The following SPECC1 variants were observed in gnomAD, a reference collection of about 807,000 sequenced individuals.
The protein encoded by SPECC1 is sperm antigen with calponin homology and coiled-coil domains 1, also known as cytospin-B.
Under a neutral mutation model 104.1 loss-of-function variants are expected in SPECC1, and 62 were observed. That is an observed-to-expected ratio of 0.60 (90% CI 0.49 to 0.74). The LOEUF is 0.74. SPECC1 is among the 30% of genes least tolerant of loss of function. The probability of loss-of-function intolerance (pLI) is 0.00; values close to 1 mark genes in which losing one functional copy is unlikely to be tolerated. For synonymous variants in SPECC1, 513 were observed against 501.6 expected, an observed-to-expected ratio of 1.02 and a Z score of -0.30; for missense variants, 1,306 against 1,310.5, an observed-to-expected ratio of 1.00 and a Z score of 0.05.
At chr17:20,077,575 T>A (rs774686361) in intron 1 of SPECC1, among the ~76,000 whole-genome samples, 2 of 152,122 alleles carry the variant, frequency 1.3e-5, no homozygotes, top group Non-Finnish European at 2.9e-5. Context: ...CAAGCGATTC[T>A]CCTGCCTCAG....
chr17:20,144,374 A>T (rs2031226042), intron 3 of SPECC1, among the ~76,000 whole-genome samples: 1 of 151,284 alleles, frequency 6.6e-6, no homozygotes, highest in South Asian at 2.1e-4. Context: ...TACTTTTTGT[A>T]GAGATGTGGT....
At chr17:20,071,793 A>G (rs2046564354) in intron 1 of SPECC1, among the ~76,000 whole-genome samples, 1 of 151,960 alleles carries the variant, frequency 6.6e-6, no homozygotes, top group South Asian at 2.1e-4. Context: ...AGAAGCTACA[A>G]TGTGAATTTA....
chr17:20,064,924 T>C (rs1315470596), intron 1 of SPECC1, among the ~76,000 whole-genome samples: 8 of 152,186 alleles, frequency 5.3e-5, no homozygotes, highest in Non-Finnish European at 1.2e-4. Flanking sequence ...TAAAAAGTCA[T>C]CTAAAGAGAT....
chr17:20,276,902 T>C (rs1033541991), intron 12 of SPECC1, among the ~76,000 whole-genome samples: 2 of 152,194 alleles, frequency 1.3e-5, no homozygotes, highest in South Asian at 4.1e-4. Flanking sequence ...CCAGGGCTGC[T>C]TTCTGGGGTA....
intron 12 of SPECC1, among the ~76,000 whole-genome samples, chr17:20,260,536 G>A (rs1483520527): frequency 1.3e-5 from 2 of 152,320 alleles, no homozygotes; most frequent in East Asian, 1.9e-4. Context: ...ATGGCTGCAC[G>A]CAGAGCTGCA....
intron 2 of SPECC1, among the ~76,000 whole-genome samples, chr17:20,104,765 AAG>A (rs1555607646): frequency 1.2e-4 from 18 of 149,012 alleles, no homozygotes; most frequent in African/African-American, 2.5e-4. Flanking sequence ...AAAAAAAAAA[AAG>A]AAAAAAAAAT....
chr17:20,279,966 G>A (rs1341459746), intron 12 of SPECC1, among the ~76,000 whole-genome samples: 3 of 152,156 alleles, frequency 2.0e-5, no homozygotes, highest in East Asian at 3.9e-4. Context: ...CAAAGGGCAC[G>A]TGCTGTGTGG....
At position 20,227,480 on chromosome 17, in the gene SPECC1, G is replaced by C. The variant is rs1162768269; in HGVS notation, c.1931G>C (p.Ser644Thr). Reference sequence around the variant, plus strand: ...CAAGCCGAACAGCTGAGCAGAACCAGCCTAAAGCTGCAAGAAAAAGCATCA... The same window carrying C: ...CAAGCCGAACAGCTGAGCAGAACCACCCTAAAGCTGCAAGAAAAAGCATCA... Reference protein sequence around the residue: ...DHQAEQLSRTSLKLQEKASES... With the variant: ...DHQAEQLSRTTLKLQEKASES... The change falls in exon 5 of 15, where the codon AGC becomes ACC. Residue 644 changes from serine to threonine, a missense_variant. Around this residue, in one of 2 missense-constraint regions of SPECC1, gnomAD observed 1,177 missense variants for 1,139.9 expected, o/e 1.03. Coordinates refer to ENST00000395527, the MANE Select transcript of SPECC1 (RefSeq NM_001243439.2). The C allele has an allele frequency of 6.2e-7, 1 of 1,613,874 alleles. No individual in the cohort carries two copies. Among genetic ancestry groups the C allele is most frequent in the Admixed American group, 1.7e-5 (1 of 59,912 alleles).
At chr17:20,136,426 TAAAA>T (rs10577710) in intron 3 of SPECC1, among the ~76,000 whole-genome samples, 43,387 of 144,162 alleles carry the variant, frequency 0.3, 7,946 homozygotes, top group Middle Eastern at 0.42. Flanking sequence ...CTCCATCTAT[TAAAA>T]AAAAAAAAAA....
At chr17:20,267,462 G>A (rs978334771) in intron 12 of SPECC1, among the ~76,000 whole-genome samples, 1 of 152,196 alleles carries the variant, frequency 6.6e-6, no homozygotes, top group African/African-American at 2.4e-5. Context: ...TAACCCCCAT[G>A]ACTCTCCATG....
intron 1 of SPECC1, among the ~76,000 whole-genome samples, chr17:20,095,071 G>C (rs2047580734): frequency 6.6e-6 from 1 of 152,200 alleles, no homozygotes; most frequent in Admixed American, 6.5e-5. Context: ...CTCCGGCTCT[G>C]TTCATTCATT....
chr17:20,088,988 G>A (rs2047292916), intron 1 of SPECC1, among the ~76,000 whole-genome samples: 1 of 152,192 alleles, frequency 6.6e-6, no homozygotes, highest in Admixed American at 6.5e-5. Context: ...TGAATCTGCT[G>A]GTGCCTTGCC....
chr17:20,256,929 AG>A (rs2151582680), intron 10 of SPECC1, among the ~76,000 whole-genome samples: 2 of 152,346 alleles, frequency 1.3e-5, no homozygotes, highest in Non-Finnish European at 2.9e-5. Context: ...CTAATATGAC[AG>A]CAGAAAGGAG....
chr17:20,302,603 C>T (rs1436742417), intron 13 of SPECC1, among the ~76,000 whole-genome samples: 1 of 151,602 alleles, frequency 6.6e-6, no homozygotes, highest in Non-Finnish European at 1.5e-5. Context: ...ACCCTGTATA[C>T]TATTTCAGGG....
At chr17:20,265,460 G>A (rs1437325997) in intron 12 of SPECC1, among the ~76,000 whole-genome samples, 1 of 152,000 alleles carries the variant, frequency 6.6e-6, no homozygotes, top group Non-Finnish European at 1.5e-5. Flanking sequence ...GGGTTATTTG[G>A]TTTTTGCTTG....
chr17:20,204,670 T>C lies in SPECC1; in HGVS notation c.621T>C (p.Ala207=), dbSNP rs763961776. ...CTCTGAACGCTGAGGGGACTGATGC[T>C]TTGGGCCCAAATGTCGATGGAACAT... ...KRTLNAEGTD[A]LGPNVDGTSV... Residue 207 remains alanine (A), a synonymous_variant, in exon 4 of 15, where the codon GCT becomes GCC. Transcript: ENST00000395527. 4 of 1,613,800 alleles carry C rather than the reference T, an allele frequency of 2.5e-6. No homozygotes were observed. In the African/African-American group the frequency reaches 4.0e-5, roughly 16 times the overall value.
In SPECC1 at chr17:20,148,163, A is replaced by G. The variant is rs545175766; in HGVS notation, c.283+37601A>G. ...TGAGGAATAAATGAATATTTGTTGA[A>G]TATATATGTATTAGAGTTTATTATT... On this transcript the variant is annotated intron_variant, in intron 3 of 14. Coordinates refer to ENST00000395527, the MANE Select transcript of SPECC1 (RefSeq NM_001243439.2). Among the ~76,000 whole-genome samples, 10 of 152,358 alleles carry G rather than the reference A, an allele frequency of 6.6e-5. No homozygotes were observed. The South Asian group carries it at 2.1e-3, about 32-fold the overall frequency.
chr17:20,255,088 G>T (rs1429604652), intron 10 of SPECC1, among the ~76,000 whole-genome samples: 1 of 152,162 alleles, frequency 6.6e-6, no homozygotes, highest in Non-Finnish European at 1.5e-5. Context: ...TGTGCCTCTT[G>T]GTGCTGAGGC....
intron 4 of SPECC1, among the ~76,000 whole-genome samples, chr17:20,213,688 G>T (rs1356617057): frequency 2.6e-5 from 4 of 152,160 alleles, no homozygotes; most frequent in African/African-American, 9.7e-5. Context: ...AGTGTATGGG[G>T]TGGGGACTCT....
Sources: gnomAD v4.1 joint callset for allele counts (sites outside exome capture counted in the v4.1 genomes callset) on GRCh38, gnomAD v4.1.1 for gene constraint, gnomAD v4.1.1 regional missense constraint, MANE v1.5 for transcripts, NCBI Gene and HGNC (gene_info 2026-07-23, HGNC 2026-07-21) for gene names.